Variants in STK39 observed in about 807,000 individuals in gnomAD.
The protein encoded by STK39 is serine/threonine kinase 39.
A neutral mutation model predicts 77.8 loss-of-function variants in STK39; 20 were observed. The ratio of observed to expected loss-of-function variants is 0.26; its 90% CI spans 0.18 to 0.37. The LOEUF (loss-of-function observed/expected upper bound fraction) is 0.37. STK39 is among the 10% of genes least tolerant of loss of function. STK39 has a pLI of 1.00. For synonymous variants in STK39, 246 were observed against 234.1 expected, an observed-to-expected ratio of 1.05 and a Z score of -0.47; for missense variants, 479 against 656.5, an observed-to-expected ratio of 0.73 and a Z score of 2.95.
At chr2:168,032,081 A>T (rs1684844687) in intron 14 of STK39, among the ~76,000 whole-genome samples, 2 of 152,248 alleles carry the variant, frequency 1.3e-5, no homozygotes, top group East Asian at 1.9e-4. Context: ...GAAGTTTGCC[A>T]AAAGTAGAAA....
intron 1 of STK39, among the ~76,000 whole-genome samples, chr2:168,209,928 G>C (rs1280131504): frequency 6.6e-6 from 1 of 151,536 alleles, no homozygotes; most frequent in East Asian, 1.9e-4. Context: ...GAGCCTGGGA[G>C]GCAGAGGTTG....
chr2:168,046,326 A>G (rs1685240621), intron 14 of STK39, among the ~76,000 whole-genome samples: 1 of 152,228 alleles, frequency 6.6e-6, no homozygotes, highest in African/African-American at 2.4e-5. Flanking sequence ...AGATCGTGCC[A>G]CTGCACTCCA....
At chr2:168,100,264 A>G (rs1686786342) in intron 10 of STK39, among the ~76,000 whole-genome samples, 1 of 152,060 alleles carries the variant, frequency 6.6e-6, no homozygotes, top group South Asian at 2.1e-4. Flanking sequence ...GTCACATTCG[A>G]AAAAAAAGTA....
At chr2:168,214,783 C>G (rs13024808) in intron 1 of STK39, among the ~76,000 whole-genome samples, 7 of 152,136 alleles carry the variant, frequency 4.6e-5, no homozygotes. Flanking sequence ...TAATGTTGTA[C>G]AGGGTAATTC....
chr2:168,043,768 T>G (rs1474184235), intron 14 of STK39, among the ~76,000 whole-genome samples: 1 of 152,250 alleles, frequency 6.6e-6, no homozygotes, highest in Non-Finnish European at 1.5e-5. Flanking sequence ...CATCTCACAA[T>G]TTCTGACTTC....
At chr2:167,978,513 C>T (rs528228204) in intron 16 of STK39, among the ~76,000 whole-genome samples, 18 of 152,294 alleles carry the variant, frequency 1.2e-4, no homozygotes, top group Non-Finnish European at 2.2e-4. Flanking sequence ...AGTGGGGCCA[C>T]GTCCTTTGAA....
intron 16 of STK39, among the ~76,000 whole-genome samples, chr2:167,988,797 G>T (rs1683625186): frequency 6.6e-6 from 1 of 152,154 alleles, no homozygotes; most frequent in African/African-American, 2.4e-5. Context: ...CTGTATTTGA[G>T]TATATTCAGA....
intron 1 of STK39, among the ~76,000 whole-genome samples, chr2:168,208,197 T>C (rs549858779): frequency 1.9e-4 from 29 of 152,200 alleles, no homozygotes; most frequent in African/African-American, 6.3e-4. Context: ...CCTAATCCCA[T>C]TGAGATTTAA....
intron 10 of STK39, among the ~76,000 whole-genome samples, chr2:168,100,358 C>T (rs989916923): frequency 1.3e-5 from 2 of 152,128 alleles, no homozygotes; most frequent in East Asian, 1.9e-4. Flanking sequence ...CTAGTTTAGC[C>T]AAAGGTAACC....
intron 10 of STK39, among the ~76,000 whole-genome samples, chr2:168,116,857 T>C (rs1477927012): frequency 6.6e-6 from 1 of 152,222 alleles, no homozygotes; most frequent in African/African-American, 2.4e-5. Context: ...AAAGTTTAAA[T>C]TATTTCTCCT....
chr2:168,023,223 A>C (rs548999075), intron 14 of STK39, among the ~76,000 whole-genome samples: 3 of 152,088 alleles, frequency 2.0e-5, no homozygotes, highest in Non-Finnish European at 4.4e-5. Flanking sequence ...GCCTGACTTT[A>C]AAAAAATGTT....
chr2:168,242,593 AT>A (rs1690796255), intron 1 of STK39, among the ~76,000 whole-genome samples: 1 of 128,870 alleles, frequency 7.8e-6, no homozygotes, highest in African/African-American at 3.0e-5. Context: ...ATATATATAT[AT>A]ATAAAGAGGC....
chr2:168,129,452 A>AT, intron 10 of STK39, 89 bp downstream of exon 10: 2 of 1,409,336 alleles, frequency 1.4e-6, no homozygotes, highest in Non-Finnish European at 1.0e-6. Context: ...TATATCCTGC[A>AT]TATGTGGAAA....
intron 15 of STK39, among the ~76,000 whole-genome samples, chr2:168,013,352 G>A (rs1302499402): frequency 2.6e-5 from 4 of 152,298 alleles, no homozygotes; most frequent in South Asian, 2.1e-4. Context: ...AAGAGGCTGC[G>A]GCAAGTGAAT....
intron 1 of STK39, among the ~76,000 whole-genome samples, chr2:168,226,194 G>T (rs1020249261): frequency 6.6e-6 from 1 of 152,170 alleles, no homozygotes; most frequent in African/African-American, 2.4e-5. Context: ...TAAGGTTAGA[G>T]GATCCAGAAT....
chr2:168,212,893 T>C (rs1195564211), intron 1 of STK39, among the ~76,000 whole-genome samples: 1 of 152,174 alleles, frequency 6.6e-6, no homozygotes, highest in Non-Finnish European at 1.5e-5. Context: ...CATTTATACA[T>C]ACATCCTTGA....
chr2:168,098,178 G>T (rs1304272958), intron 10 of STK39, among the ~76,000 whole-genome samples: 1 of 152,154 alleles, frequency 6.6e-6, no homozygotes, highest in Non-Finnish European at 1.5e-5. Flanking sequence ...CGGCACCCAA[G>T]AAATATTTGA....
Position 168,138,156 on chromosome 2 carries a change from C to T in STK39, c.906G>A (p.Met302Ile), listed in dbSNP as rs767450815. 1.9e-6 allele frequency: 3 copies of T among 1,613,960 alleles called. No individual in the cohort carries two copies. Among genetic ancestry groups the T allele is most frequent in the Middle Eastern group, 1.7e-4 (1 of 6,060 alleles). The change falls in exon 8 of 18, where the codon ATG (methionine) becomes ATA (isoleucine). Residue 302 changes from methionine to isoleucine, a missense_variant. Around this residue, in one of 3 missense-constraint regions of STK39, gnomAD observed 244 missense variants for 296.8 expected, o/e 0.82. Coordinates refer to ENST00000355999, the MANE Select transcript of STK39 (RefSeq NM_013233.3). Reference protein sequence around the residue: ...TLETGVEDKEMMKKYGKSFRK... With the variant: ...TLETGVEDKEIMKKYGKSFRK... ...TAAAGGACTTGCCGTACTTTTTCAT[C>T]ATTTCTTTATCCTCTACCCCTGTTT...
At position 168,111,364 on chromosome 2, in the gene STK39, C is replaced by A. The variant is rs1687115987; in HGVS notation, c.1089+18177G>T. 1.3e-5 allele frequency among the ~76,000 whole-genome samples: 2 copies of A among 152,102 alleles called. 1 individual carries two copies. Among genetic ancestry groups the A allele is most frequent in the South Asian group, 4.1e-4 (2 of 4,830 alleles). ...TTCCTGAAAGTTATTTTAATACAGG[C>A]CCATTAAATATAAATTTTCTCAGTT... is the stretch of plus-strand genomic sequence containing the variant. On this transcript the variant is annotated intron_variant, in intron 10 of 17. Transcript: ENST00000355999.
Sources: allele counts gnomAD v4.1 joint callset (sites outside exome capture counted in the v4.1 genomes callset), GRCh38; gene constraint gnomAD v4.1.1; regional missense constraint gnomAD v4.1.1; transcripts MANE v1.5; gene names NCBI Gene and HGNC (gene_info 2026-07-23, HGNC 2026-07-21).